Variants in GSG1L observed in about 807,000 individuals in gnomAD.
The protein encoded by GSG1L is GSG1 like.
A neutral mutation model predicts 42.1 loss-of-function variants in GSG1L; 24 were observed. The ratio of observed to expected loss-of-function variants is 0.57; its 90% CI spans 0.41 to 0.80. The LOEUF (loss-of-function observed/expected upper bound fraction) is 0.80. GSG1L is among the 30% of genes least tolerant of loss of function. The pLI is 0.00. For missense variants in GSG1L, 445 were observed against 472.2 expected (o/e 0.94, Z 0.53); for synonymous variants, 215 against 203.5 (o/e 1.06, Z -0.48).
rs1166800286 is a variant in GSG1L at position 27,946,579 on chromosome 16, AAGAGAGAGAGAGAGAGAGAGAG to A, written c.397+16555_397+16576del. On this transcript the variant is annotated intron_variant, in intron 2 of 6. Transcript: ENST00000447459. Reference sequence around the variant, plus strand: ...AAAGAAAGAAAGAAAGAAAGAAAGAAAGAGAGAGAGAGAGAGAGAGAGAGAGAGAGAGAGAGAGAGAGAGAGA... The same window carrying A: ...AAAGAAAGAAAGAAAGAAAGAAAGAAAGAGAGAGAGAGAGAGAGAGAGAGA... Among the ~76,000 whole-genome samples the A allele has an allele frequency of 2.1e-3, 78 of 37,032 alleles. 2 individuals are homozygous for A. The highest frequency in any genetic ancestry group is 6.7e-3 in the African/African-American group (60 of 8,898). 24.3% of individuals were successfully genotyped at this position (37,032 alleles called of 152,430 possible).
chr16:27,801,434 G>A (rs1165844979), intron 6 of GSG1L, among the ~76,000 whole-genome samples: 1 of 152,166 alleles, frequency 6.6e-6, no homozygotes, highest in Non-Finnish European at 1.5e-5. Context: ...AATAATGCCG[G>A]CTCCCTGACA....
At chr16:27,969,068 C>A (rs542684216) in intron 1 of GSG1L, among the ~76,000 whole-genome samples, 7 of 152,170 alleles carry the variant, frequency 4.6e-5, no homozygotes, top group African/African-American at 1.7e-4. Flanking sequence ...GAGATCGCCC[C>A]ACTGCACTTC....
chr16:28,034,260 ATC>A (rs2086006112), intron 1 of GSG1L, among the ~76,000 whole-genome samples: 1 of 78,394 alleles, frequency 1.3e-5, no homozygotes, highest in Non-Finnish European at 2.4e-5. Context: ...ATCCCATCCC[ATC>A]CCATCCCATC....
chr16:27,900,199 G>T (rs936232853), intron 2 of GSG1L, among the ~76,000 whole-genome samples: 19 of 152,306 alleles, frequency 1.2e-4, no homozygotes, highest in Non-Finnish European at 2.5e-4. Context: ...TTGAACCTGC[G>T]GGGTGAGACA....
intron 1 of GSG1L, among the ~76,000 whole-genome samples, chr16:28,053,161 T>C (rs554697255): frequency 1.8e-4 from 28 of 152,142 alleles, no homozygotes; most frequent in Non-Finnish European, 3.5e-4. Flanking sequence ...CATGCAGACA[T>C]AGACAAAGGG....
At chr16:27,923,773 A>T (rs182059004) in intron 2 of GSG1L, among the ~76,000 whole-genome samples, 38 of 150,814 alleles carry the variant, frequency 2.5e-4, no homozygotes, top group Non-Finnish European at 4.4e-4. Context: ...AGAAAGAAAG[A>T]GAGAGAGAGA....
intron 2 of GSG1L, among the ~76,000 whole-genome samples, chr16:27,960,417 C>A (rs912321978): frequency 6.6e-6 from 1 of 152,064 alleles, no homozygotes; most frequent in East Asian, 1.9e-4. Flanking sequence ...CCAGTTAGTG[C>A]CAGTGTCGCG....
chr16:27,913,692 C>T (rs2084418125), intron 2 of GSG1L, among the ~76,000 whole-genome samples: 1 of 152,130 alleles, frequency 6.6e-6, no homozygotes, highest in African/African-American at 2.4e-5. Flanking sequence ...ATAACAATGG[C>T]AGAGGTGAGT....
At chr16:27,875,190 T>C (rs1277399435) in intron 3 of GSG1L, among the ~76,000 whole-genome samples, 1 of 152,196 alleles carries the variant, frequency 6.6e-6, no homozygotes, top group Non-Finnish European at 1.5e-5. Flanking sequence ...CTGGAGATTA[T>C]GGGGAGTTAA....
intron 1 of GSG1L, among the ~76,000 whole-genome samples, chr16:27,968,173 G>A (rs1016195499): frequency 6.6e-6 from 1 of 151,942 alleles, no homozygotes; most frequent in Non-Finnish European, 1.5e-5. Context: ...AATATATTAA[G>A]TATTAAGCAT....
intron 2 of GSG1L, among the ~76,000 whole-genome samples, chr16:27,933,171 A>G (rs2084675491): frequency 6.6e-6 from 1 of 152,116 alleles, no homozygotes; most frequent in African/African-American, 2.4e-5. Context: ...GGGAATGGAG[A>G]AAAGAATAAC....
chr16:27,945,406 C>G (rs2084849921), intron 2 of GSG1L, among the ~76,000 whole-genome samples: 1 of 152,112 alleles, frequency 6.6e-6, no homozygotes, highest in Non-Finnish European at 1.5e-5. Context: ...ATCAACCAGA[C>G]AGAAACCGGC....
intron 3 of GSG1L, among the ~76,000 whole-genome samples, chr16:27,879,001 C>T (rs1234277319): frequency 2.6e-5 from 4 of 151,972 alleles, no homozygotes; most frequent in African/African-American, 4.8e-5. Context: ...ATAACACAAT[C>T]AGGGGAGAGG....
chr16:27,827,464 G>T (rs2083223301), intron 5 of GSG1L, among the ~76,000 whole-genome samples: 1 of 152,174 alleles, frequency 6.6e-6, no homozygotes, highest in South Asian at 2.1e-4. Context: ...CAGCCCAGAA[G>T]AGACTGGAGC....
intron 2 of GSG1L, among the ~76,000 whole-genome samples, chr16:27,936,402 C>G (rs77952082): frequency 0.057 from 8,731 of 151,972 alleles, 348 homozygotes; most frequent in African/African-American, 0.11. Flanking sequence ...GAAGTGAGTT[C>G]TCACTCTATT....
chr16:28,035,274 G>A (rs1199003287), intron 1 of GSG1L, among the ~76,000 whole-genome samples: 3 of 152,150 alleles, frequency 2.0e-5, no homozygotes, highest in Non-Finnish European at 2.9e-5. Context: ...GCCTCCCAAA[G>A]TGCTGGGATT....
chr16:27,885,424 C>A (rs974885680), intron 2 of GSG1L, among the ~76,000 whole-genome samples: 1 of 152,202 alleles, frequency 6.6e-6, no homozygotes, highest in Non-Finnish European at 1.5e-5. Flanking sequence ...GCTGGGATTA[C>A]AGGCATGAGC....
In GSG1L at chr16:27,849,117, A is replaced by AGGCAGAAGC. The variant is rs1441733040; in HGVS notation, c.551-4065_551-4057dup. On this transcript the variant is annotated intron_variant, in intron 3 of 6. Coordinates refer to ENST00000447459, the MANE Select transcript of GSG1L (RefSeq NM_001109763.2). ...AGCAGGAGAATCGCTTAAACCTAGG[A>AGGCAGAAGC]GGCAGAAGCTGCAGAAGCTGCAGTG... Among the ~76,000 whole-genome samples the AGGCAGAAGC allele has an allele frequency of 2.7e-5, 4 of 149,292 alleles. No homozygotes were observed. In the East Asian group the frequency reaches 8.1e-4, roughly 30 times the overall value.
intron 1 of GSG1L, among the ~76,000 whole-genome samples, chr16:28,007,548 T>C (rs1438005265): frequency 6.6e-6 from 1 of 152,084 alleles, no homozygotes; most frequent in Non-Finnish European, 1.5e-5. Flanking sequence ...GATCTTGCTC[T>C]GTCACCCAGG....
Sources: gnomAD v4.1 joint callset for allele counts (sites outside exome capture counted in the v4.1 genomes callset) on GRCh38, gnomAD v4.1.1 for gene constraint, MANE v1.5 for transcripts, NCBI Gene and HGNC (gene_info 2026-07-23, HGNC 2026-07-21) for gene names.